The following IL1RAPL1 variants were observed in gnomAD, a reference collection of about 807,000 sequenced individuals.
The protein encoded by IL1RAPL1 is interleukin-1 receptor accessory protein-like 1.
Under a neutral mutation model 48.4 loss-of-function variants are expected in IL1RAPL1, and 3 were observed. The ratio of observed to expected loss-of-function variants is 0.06; its 90% CI spans 0.03 to 0.16. IL1RAPL1 has a LOEUF of 0.16. Ranked by LOEUF, IL1RAPL1 falls within the 10% of genes least tolerant of loss-of-function variation. The pLI is 1.00. For synonymous variants in IL1RAPL1, 185 were observed against 187.7 expected, an observed-to-expected ratio of 0.99 and a Z score of 0.12; for missense variants, 349 against 530.6, an observed-to-expected ratio of 0.66 and a Z score of 3.36.
At chrX:29,017,416 G>A (rs1296710415) in intron 2 of IL1RAPL1, among the ~76,000 whole-genome samples, 2 of 111,926 alleles carry the variant, frequency 1.8e-5, no homozygotes, top group African/African-American at 3.2e-5. Flanking sequence ...CAGGTAAATC[G>A]GAGAAAATAG....
intron 5 of IL1RAPL1, among the ~76,000 whole-genome samples, chrX:29,511,131 A>C (rs727562): frequency 0.46 from 51,057 of 110,774 alleles, 8,541 homozygotes; most frequent in East Asian, 0.7. Context: ...AAGTTCTTGT[A>C]TGTAACTATT....
At chrX:29,848,811 G>T (rs907918590) in intron 6 of IL1RAPL1, among the ~76,000 whole-genome samples, 2 of 110,863 alleles carry the variant, frequency 1.8e-5, no homozygotes, top group African/African-American at 6.6e-5. Flanking sequence ...TGTCACCCAG[G>T]TTGGAGTGCA....
At chrX:29,841,064 T>C (rs765017844) in intron 6 of IL1RAPL1, among the ~76,000 whole-genome samples, 3 of 111,868 alleles carry the variant, frequency 2.7e-5, no homozygotes, top group African/African-American at 6.5e-5. Context: ...GTGTGCCCTA[T>C]ATTAATTTTA....
At chrX:29,743,495 T>G (rs989029302) in intron 6 of IL1RAPL1, among the ~76,000 whole-genome samples, 1 of 111,520 alleles carries the variant, frequency 9.0e-6, no homozygotes, top group Non-Finnish European at 1.9e-5. Context: ...TTTTTCATTT[T>G]TATTTTTTTG....
rs759722144 is a variant in IL1RAPL1, at chrX:28,762,411, CAAAAG to C, written c.-24-26905_-24-26901del. Reference sequence around the variant, plus strand: ...ACGCATACATCCACAAAGGAAAAGACAAAAGAAATGCAAAAGGCTGCATGGCGTTC... The same window carrying C: ...ACGCATACATCCACAAAGGAAAAGACAAATGCAAAAGGCTGCATGGCGTTC... On this transcript the variant is annotated intron_variant, in intron 1 of 10. Transcript: ENST00000378993. Among the ~76,000 whole-genome samples the C allele has an allele frequency of 1.2e-3, 137 of 110,862 alleles. No homozygotes were observed. In the Middle Eastern group the frequency reaches 0.014, roughly 11 times the overall value.
intron 5 of IL1RAPL1, among the ~76,000 whole-genome samples, chrX:29,441,472 A>G (rs1339776930): frequency 8.9e-6 from 1 of 112,176 alleles, no homozygotes; most frequent in Non-Finnish European, 1.9e-5. Context: ...GGATGTGGAA[A>G]TGTTTGGGAA....
At chrX:29,380,024 C>G (rs746311071) in intron 3 of IL1RAPL1, among the ~76,000 whole-genome samples, 8 of 110,447 alleles carry the variant, frequency 7.2e-5, no homozygotes, top group Admixed American at 9.7e-5. Flanking sequence ...CGGTATTTGT[C>G]TTTCTGTACC....
intron 5 of IL1RAPL1, among the ~76,000 whole-genome samples, chrX:29,476,872 CTTTTTTT>C (rs1198120274): frequency 7.4e-5 from 4 of 53,901 alleles, no homozygotes; most frequent in East Asian, 1.4e-3. Context: ...TACCCATATT[CTTTTTTT>C]TTTTTTTTTT....
intron 5 of IL1RAPL1, among the ~76,000 whole-genome samples, chrX:29,552,938 A>G (rs1360364717): frequency 9.5e-6 from 1 of 105,266 alleles, no homozygotes; most frequent in Non-Finnish European, 1.9e-5. Flanking sequence ...GTCATAATGT[A>G]TTTGATCTCT....
Position 29,956,495 on chromosome X carries a change from T to G in IL1RAPL1, c.*675T>G, listed in dbSNP as rs911672818. The stretch of plus-strand genomic sequence containing the variant: ...GCAGGGGTGGGGGCGGGTCTAACTG[T>G]CTTAACATTCAAGTCACTGCTCTTC... On this transcript the variant is annotated 3_prime_UTR_variant, in exon 11 of 11. Coordinates refer to ENST00000378993, the MANE Select transcript of IL1RAPL1 (RefSeq NM_014271.4). 2 of 108,041 alleles carry G rather than the reference T, an allele frequency of 1.9e-5. No individual in the cohort carries two copies. The highest frequency in any genetic ancestry group is 3.4e-5 in the African/African-American group (1 of 29,298). The allele number at this position is 108,041 out of a possible 1,213,427, so 8.9% of individuals were successfully genotyped here. A position where few individuals can be genotyped will look rare whatever the true frequency, so the allele number is the denominator to read the frequency against.
chrX:28,590,453 G>A (rs1183031135), intron 1 of IL1RAPL1, among the ~76,000 whole-genome samples: 2 of 111,365 alleles, frequency 1.8e-5, no homozygotes, highest in Admixed American at 9.7e-5. Flanking sequence ...AGTCAGAATG[G>A]TGGGATTGGG....
At chrX:28,645,975 T>C (rs749835451) in intron 1 of IL1RAPL1, among the ~76,000 whole-genome samples, 1 of 111,756 alleles carries the variant, frequency 8.9e-6, no homozygotes, top group Non-Finnish European at 1.9e-5. Context: ...GAGTGTATTG[T>C]GCTTAGAATT....
chrX:28,659,964 A>G (rs992975255), intron 1 of IL1RAPL1, among the ~76,000 whole-genome samples: 2 of 110,908 alleles, frequency 1.8e-5, no homozygotes, highest in Admixed American at 9.6e-5. Flanking sequence ...GCAGGAAAAC[A>G]AATATTCTTA....
At position 29,054,084 on chromosome X, in the gene IL1RAPL1, A is replaced by G. The variant is rs1288618265; in HGVS notation, c.83-228854A>G. On this transcript the variant is annotated intron_variant, in intron 2 of 10. Coordinates refer to ENST00000378993, the MANE Select transcript of IL1RAPL1 (RefSeq NM_014271.4). ...TAATGGACGCTAATGTTGTTTCCAAATCTTATCATGTCTCTCTCCATCTCC... is the reference window on the plus strand; with the variant it reads ...TAATGGACGCTAATGTTGTTTCCAAGTCTTATCATGTCTCTCTCCATCTCC... Among the ~76,000 whole-genome samples the G allele has an allele frequency of 3.6e-5, 4 of 110,971 alleles. No individual in the cohort carries two copies. In the East Asian group the frequency reaches 1.1e-3, roughly 31 times the overall value.
chrX:28,995,979 A>G (rs376049549), intron 2 of IL1RAPL1, among the ~76,000 whole-genome samples: 2 of 111,436 alleles, frequency 1.8e-5, no homozygotes, highest in East Asian at 5.6e-4. Flanking sequence ...TACCCATGCA[A>G]AATTTAAGAT....
chrX:29,746,210 T>G (rs1041863205), intron 6 of IL1RAPL1, among the ~76,000 whole-genome samples: 2 of 112,044 alleles, frequency 1.8e-5, no homozygotes, highest in Admixed American at 1.9e-4. Context: ...GCTTCTATTC[T>G]TCAAACTCTA....
At chrX:29,136,875 G>C (rs1237292745) in intron 2 of IL1RAPL1, among the ~76,000 whole-genome samples, 2 of 111,889 alleles carry the variant, frequency 1.8e-5, no homozygotes, top group South Asian at 7.5e-4. Flanking sequence ...AACTGAGGCA[G>C]TGATAGGGTT....
chrX:29,518,080 T>C (rs945318617), intron 5 of IL1RAPL1, among the ~76,000 whole-genome samples: 4 of 96,034 alleles, frequency 4.2e-5, no homozygotes, highest in African/African-American at 2.1e-4. Flanking sequence ...ATTCAACAAA[T>C]TTTTTTTGAG....
chrX:29,065,253 T>C (rs1569229622), intron 2 of IL1RAPL1, among the ~76,000 whole-genome samples: 1 of 111,174 alleles, frequency 9.0e-6, no homozygotes, highest in Non-Finnish European at 1.9e-5. Context: ...GGGGATGTCT[T>C]TACTTCATCT....
Sources: allele counts gnomAD v4.1 joint callset (sites outside exome capture counted in the v4.1 genomes callset), GRCh38; gene constraint gnomAD v4.1.1; transcripts MANE v1.5; gene names NCBI Gene and HGNC (gene_info 2026-07-23, HGNC 2026-07-21).